The following TMLHE variants were observed in gnomAD, a reference collection of about 807,000 sequenced individuals.
The protein encoded by TMLHE is trimethyllysine hydroxylase, epsilon, also known as trimethyllysine dioxygenase, mitochondrial.
A neutral mutation model predicts 25.7 loss-of-function variants in TMLHE; 18 were observed. That is an observed-to-expected ratio of 0.70 (90% CI 0.48 to 1.04). The LOEUF (loss-of-function observed/expected upper bound fraction) is 1.04, where lower values mean the gene tolerates loss of function less well. TMLHE is among the 50% of genes least tolerant of loss of function. TMLHE has a pLI of 0.00. For missense variants in TMLHE, 236 were observed against 259.0 expected (o/e 0.91, Z 0.61); for synonymous variants, 105 against 97.0 (o/e 1.08, Z -0.49).
intron 1 of TMLHE, among the ~76,000 whole-genome samples, chrX:155,603,845 A>G (rs782703346): frequency 2.7e-5 from 3 of 112,296 alleles, no homozygotes; most frequent in Non-Finnish European, 3.8e-5. Flanking sequence ...CCTTCATGAT[A>G]TTGGATTGGG....
At chrX:155,596,393 C>T (rs1430411150) in intron 1 of TMLHE, among the ~76,000 whole-genome samples, 4 of 111,422 alleles carry the variant, frequency 3.6e-5, no homozygotes, top group East Asian at 5.6e-4. Context: ...ACACCAAAGG[C>T]GTTTAAGGGG....
At chrX:155,543,371 G>A (rs1296249231) in intron 2 of TMLHE, among the ~76,000 whole-genome samples, 14 of 111,598 alleles carry the variant, frequency 1.3e-4, no homozygotes, top group Non-Finnish European at 2.5e-4. Context: ...AATCATTAAT[G>A]CTTCTAAACC....
chrX:155,506,071 A>C (rs2067074517), intron 6 of TMLHE, among the ~76,000 whole-genome samples: 1 of 111,280 alleles, frequency 9.0e-6, no homozygotes, highest in African/African-American at 3.3e-5. Flanking sequence ...GATCATACAG[A>C]ACCTTAAAAG....
intron 4 of TMLHE, among the ~76,000 whole-genome samples, chrX:155,512,393 C>T (rs1402079036): frequency 1.7e-4 from 17 of 102,980 alleles, no homozygotes; most frequent in South Asian, 4.7e-4. Flanking sequence ...TGTTCAATTC[C>T]CACCTATGAG....
chrX:155,531,686 A>C (rs1412367080), intron 2 of TMLHE, among the ~76,000 whole-genome samples: 3 of 111,946 alleles, frequency 2.7e-5, no homozygotes, highest in African/African-American at 9.8e-5. Flanking sequence ...TGGAAGCCTT[A>C]TTACATTAAG....
intron 1 of TMLHE, among the ~76,000 whole-genome samples, chrX:155,581,147 T>A (rs782194231): frequency 3.6e-5 from 4 of 111,683 alleles, no homozygotes; most frequent in African/African-American, 1.3e-4. Context: ...AAACTCTCAA[T>A]AAACTAGGTA....
intron 1 of TMLHE, among the ~76,000 whole-genome samples, chrX:155,556,642 GAA>G (rs1482054495): frequency 9.1e-6 from 1 of 109,704 alleles, no homozygotes; most frequent in African/African-American, 3.3e-5. Flanking sequence ...CCACAGGACG[GAA>G]GCGAAATTAA....
At chrX:155,512,851 T>G (rs1376641460) in intron 4 of TMLHE, among the ~76,000 whole-genome samples, 2 of 111,949 alleles carry the variant, frequency 1.8e-5, no homozygotes, top group Non-Finnish European at 3.8e-5. Flanking sequence ...TGTTGTTGTG[T>G]CTCTCCTTGA....
intron 2 of TMLHE, among the ~76,000 whole-genome samples, chrX:155,543,370 T>C (rs1320861068): frequency 2.7e-5 from 3 of 111,787 alleles, no homozygotes; most frequent in Non-Finnish European, 5.7e-5. Flanking sequence ...AAATCATTAA[T>C]GCTTCTAAAC....
rs1001350219 is a variant in TMLHE, at chrX:155,512,217, G to T, written c.639-425C>A. Among the ~76,000 whole-genome samples the T allele has an allele frequency of 5.5e-5, 6 of 109,624 alleles. No homozygotes were observed. In the East Asian group the frequency reaches 1.1e-3, roughly 21 times the overall value. On this transcript the variant is annotated intron_variant, in intron 4 of 7. Transcript: ENST00000334398. ...GTTTTAGGGTACATGTGCACAATGT[G>T]CAGGTTTGTTACATATGTATACATG...
intron 1 of TMLHE, among the ~76,000 whole-genome samples, chrX:155,557,230 C>T (rs1445160160): frequency 8.9e-6 from 1 of 111,955 alleles, no homozygotes; most frequent in Non-Finnish European, 1.9e-5. Context: ...TGATAAGTGT[C>T]CATGAAATCT....
chrX:155,538,769 C>G (rs2067294595), intron 2 of TMLHE, among the ~76,000 whole-genome samples: 1 of 111,760 alleles, frequency 8.9e-6, no homozygotes. Flanking sequence ...GAACTAGATT[C>G]TATCTCTTTT....
At chrX:155,549,454 T>A (rs1323108308) in intron 1 of TMLHE, among the ~76,000 whole-genome samples, 1 of 110,930 alleles carries the variant, frequency 9.0e-6, no homozygotes, top group Non-Finnish European at 1.9e-5. Context: ...ACTTGAATTT[T>A]AGTAAATGTA....
intron 1 of TMLHE, among the ~76,000 whole-genome samples, chrX:155,598,779 C>A (rs998975687): frequency 9.0e-6 from 1 of 111,477 alleles, no homozygotes; most frequent in East Asian, 2.8e-4. Flanking sequence ...TTTTTTACTT[C>A]TTTTACAATA....
intron 1 of TMLHE, among the ~76,000 whole-genome samples, chrX:155,594,949 G>T (rs1286051485): frequency 2.7e-5 from 3 of 111,047 alleles, no homozygotes; most frequent in Admixed American, 9.6e-5. Context: ...TTTGAAATTT[G>T]CAACAATCTA....
intron 2 of TMLHE, among the ~76,000 whole-genome samples, chrX:155,533,233 T>C (rs1557337264): frequency 8.9e-6 from 1 of 111,924 alleles, no homozygotes; most frequent in Non-Finnish European, 1.9e-5. Flanking sequence ...TCCTGGTTCT[T>C]AGGCCTTCAG....
At chrX:155,577,702 A>G (rs1218115876) in intron 1 of TMLHE, among the ~76,000 whole-genome samples, 1 of 111,932 alleles carries the variant, frequency 8.9e-6, no homozygotes, top group African/African-American at 3.3e-5. Flanking sequence ...AGATAATACT[A>G]ACAGCCCAGC....
At chrX:155,554,998 A>G (rs1557340541) in intron 1 of TMLHE, among the ~76,000 whole-genome samples, 2 of 109,491 alleles carry the variant, frequency 1.8e-5, no homozygotes, top group African/African-American at 3.4e-5. Flanking sequence ...CATCATTTAC[A>G]TTAGGTATTT....
chrX:155,560,265 T>C (rs1309577976), intron 1 of TMLHE, among the ~76,000 whole-genome samples: 1 of 110,716 alleles, frequency 9.0e-6, no homozygotes, highest in East Asian at 2.9e-4. Context: ...ATCAATTCAT[T>C]GAGAAACCTT....
Sources: gnomAD v4.1 joint callset for allele counts (sites outside exome capture counted in the v4.1 genomes callset) on GRCh38, gnomAD v4.1.1 for gene constraint, MANE v1.5 for transcripts, NCBI Gene and HGNC (gene_info 2026-07-23, HGNC 2026-07-21) for gene names.